Variants in AKAP6 observed in about 807,000 individuals in gnomAD.
The protein encoded by AKAP6 is A-kinase anchoring protein 6.
A neutral mutation model predicts 188.5 loss-of-function variants in AKAP6; 58 were observed. The ratio of observed to expected loss-of-function variants is 0.31; its 90% CI spans 0.25 to 0.38. AKAP6 has a LOEUF of 0.38. AKAP6 is among the 10% of genes least tolerant of loss of function. The pLI is 1.00. For missense variants in AKAP6, 2,710 were observed against 2,740.0 expected, an observed-to-expected ratio of 0.99 and a Z score of 0.24; for synonymous variants, 989 against 998.6, an observed-to-expected ratio of 0.99 and a Z score of 0.18.
At chr14:32,628,702 CT>C (rs902900960) in intron 7 of AKAP6, among the ~76,000 whole-genome samples, 3 of 151,662 alleles carry the variant, frequency 2.0e-5, no homozygotes, top group Non-Finnish European at 4.4e-5. Context: ...CTCTTCCTTC[CT>C]TTTTTCCTTT....
chr14:32,473,388 T>C (rs1403562631), intron 2 of AKAP6, among the ~76,000 whole-genome samples: 1 of 152,212 alleles, frequency 6.6e-6, no homozygotes, highest in Non-Finnish European at 1.5e-5. Flanking sequence ...AGAAGCCAGA[T>C]GAAATTGTTA....
rs1266605139 is a variant in AKAP6 at position 32,751,356 on chromosome 14, C to T, written c.3372+15474C>T. ...GAATATAAAATTTTTCTAAGGGCAGCATAATCTTTTGTCATCAAAATTGCT... is the reference window on the plus strand; with the variant it reads ...GAATATAAAATTTTTCTAAGGGCAGTATAATCTTTTGTCATCAAAATTGCT... On this transcript the variant is annotated intron_variant, in intron 11 of 13. Transcript: ENST00000280979. Among the ~76,000 whole-genome samples, 4 of 152,016 alleles carry T rather than the reference C, an allele frequency of 2.6e-5. 1 individual carries two copies. In the South Asian group the frequency reaches 8.3e-4, roughly 32 times the overall value.
chr14:32,674,750 A>G (rs960046965), intron 7 of AKAP6, among the ~76,000 whole-genome samples: 1 of 152,200 alleles, frequency 6.6e-6, no homozygotes, highest in Non-Finnish European at 1.5e-5. Flanking sequence ...GGTTGGATAT[A>G]TAAGTATGCA....
intron 2 of AKAP6, among the ~76,000 whole-genome samples, chr14:32,486,169 G>A (rs890670198): frequency 6.6e-6 from 1 of 151,978 alleles, no homozygotes; most frequent in Non-Finnish European, 1.5e-5. Context: ...TGTTCCATTG[G>A]TCTATATATC....
chr14:32,666,547 A>T (rs1367698641), intron 7 of AKAP6, among the ~76,000 whole-genome samples: 2 of 152,082 alleles, frequency 1.3e-5, no homozygotes, highest in East Asian at 3.9e-4. Flanking sequence ...CATATCTAGC[A>T]ATCTAAATAC....
chr14:32,823,206 T>G lies in AKAP6; in HGVS notation c.5393T>G (p.Ile1798Arg), dbSNP rs776619715. The change falls in exon 13 of 14, where the codon ATA becomes AGA. Residue 1798 changes from isoleucine (I) to arginine (R), a missense_variant. Physicochemically the swap from Ile to Arg is moderately conservative, Grantham distance 97. Around this residue, in one of 2 missense-constraint regions of AKAP6, gnomAD observed 2,473 missense variants for 2,426.1 expected, o/e 1.02. Transcript: ENST00000280979. ...ACCTTGATGTCAGGGCTAGACTACA[T>G]AAAGAATGAATTACAGACCTGGATT... Reference protein sequence around the residue: ...DCTLMSGLDYIKNELQTWIRP... With the variant: ...DCTLMSGLDYRKNELQTWIRP... 2 of 1,613,726 alleles carry G rather than the reference T, an allele frequency of 1.2e-6. No individual in the cohort carries two copies. The highest frequency in any genetic ancestry group is 3.3e-5 in the Admixed American group (2 of 59,922).
rs1337119333 is a variant in AKAP6, at chr14:32,665,939, G to A, written c.2731-12372G>A. ...TGGAGATGGACACATGTAGTGGGGA[G>A]CCTTTGTGTGGAGGCTGTTACATAT... On this transcript the variant is annotated intron_variant, in intron 7 of 13. Coordinates refer to ENST00000280979, the MANE Select transcript of AKAP6 (RefSeq NM_004274.5). Among the ~76,000 whole-genome samples, 7 of 152,146 alleles carry A rather than the reference G, an allele frequency of 4.6e-5. No individual in the cohort carries two copies. In the East Asian group the frequency reaches 1.2e-3, roughly 25 times the overall value.
chr14:32,498,591 C>T (rs1880445536), intron 2 of AKAP6, among the ~76,000 whole-genome samples: 1 of 151,762 alleles, frequency 6.6e-6, no homozygotes, highest in African/African-American at 2.4e-5. Context: ...TTCATTAATC[C>T]ACCAGTTTGT....
chr14:32,815,856 T>A (rs1594976718), intron 12 of AKAP6, among the ~76,000 whole-genome samples: 1 of 152,226 alleles, frequency 6.6e-6, no homozygotes, highest in East Asian at 1.9e-4. Flanking sequence ...GCAGATACAA[T>A]GTACTGTAAT....
At chr14:32,750,018 G>A (rs1350218364) in intron 11 of AKAP6, among the ~76,000 whole-genome samples, 1 of 152,066 alleles carries the variant, frequency 6.6e-6, no homozygotes, top group Non-Finnish European at 1.5e-5. Flanking sequence ...AGAATATTAA[G>A]CCCATTCATA....
rs1018410926 is a variant in AKAP6 at position 32,454,357 on chromosome 14, C to G, written c.324+20540C>G. ...TTTTATATTTAGAAAGGGAACACCC[C>G]CTTCAGCGAGTCATGTGCTAGAACA... On this transcript the variant is annotated intron_variant, in intron 2 of 13. Transcript: ENST00000280979. Among the ~76,000 whole-genome samples the G allele has an allele frequency of 5.9e-5, 9 of 152,180 alleles. No homozygotes were observed. In the East Asian group the frequency reaches 1.7e-3, roughly 29 times the overall value.
intron 7 of AKAP6, among the ~76,000 whole-genome samples, chr14:32,645,049 A>G (rs1887928399): frequency 6.6e-6 from 1 of 152,184 alleles, no homozygotes; most frequent in Non-Finnish European, 1.5e-5. Context: ...TCTTTGCTAT[A>G]AAACATGCAT....
chr14:32,641,469 TA>T (rs35618540), intron 7 of AKAP6, among the ~76,000 whole-genome samples: 30,820 of 119,722 alleles, frequency 0.26, 3,794 homozygotes, highest in South Asian at 0.37. Flanking sequence ...GAAACCCTGC[TA>T]AAAAAAAAAA....
At chr14:32,747,403 C>T (rs771420803) in intron 11 of AKAP6, among the ~76,000 whole-genome samples, 8 of 152,128 alleles carry the variant, frequency 5.3e-5, no homozygotes, top group Non-Finnish European at 8.8e-5. Flanking sequence ...CTAACCATAA[C>T]AAAAGCATAC....
chr14:32,802,749 T>C (rs1268425981), intron 12 of AKAP6, among the ~76,000 whole-genome samples: 1 of 152,022 alleles, frequency 6.6e-6, no homozygotes, highest in Non-Finnish European at 1.5e-5. Flanking sequence ...ACAATATGGG[T>C]TTTAAGTAAG....
intron 11 of AKAP6, among the ~76,000 whole-genome samples, chr14:32,740,126 T>A (rs2031609572): frequency 6.6e-6 from 1 of 152,140 alleles, no homozygotes; most frequent in Admixed American, 6.6e-5. Flanking sequence ...TGATGCTCAA[T>A]GATGTTGAGT....
intron 2 of AKAP6, among the ~76,000 whole-genome samples, chr14:32,522,522 G>T (rs1594706068): frequency 6.6e-6 from 1 of 152,082 alleles, no homozygotes; most frequent in Admixed American, 6.5e-5. Context: ...ACAAAAAGTG[G>T]GCAAAGGATA....
chr14:32,334,219 G>A (rs534103246), intron 1 of AKAP6, among the ~76,000 whole-genome samples: 49 of 152,248 alleles, frequency 3.2e-4, no homozygotes, highest in Admixed American at 2.4e-3. Flanking sequence ...ATGGTTATCC[G>A]TGGTCTGAAA....
chr14:32,599,640 G>A (rs1412078342), intron 6 of AKAP6, 134 bp downstream of exon 6: 1 of 632,990 alleles, frequency 1.6e-6, no homozygotes, highest in African/African-American at 1.9e-5. Context: ...TGACCTTCAA[G>A]ATTTATAAAT....
Sources: gnomAD v4.1 joint callset for allele counts (sites outside exome capture counted in the v4.1 genomes callset) on GRCh38, gnomAD v4.1.1 for gene constraint, gnomAD v4.1.1 regional missense constraint, MANE v1.5 for transcripts, NCBI Gene and HGNC (gene_info 2026-07-23, HGNC 2026-07-21) for gene names.